RHBDL3: variants seen among roughly 807,000 people sequenced by gnomAD.
RHBDL3 encodes rhomboid-related protein 3.
A neutral mutation model predicts 48.2 loss-of-function variants in RHBDL3; 28 were observed. That is an observed-to-expected ratio of 0.58 (90% confidence interval 0.43 to 0.80). The LOEUF (loss-of-function observed/expected upper bound fraction) is 0.80. Ranked by LOEUF, RHBDL3 falls within the 30% of genes least tolerant of loss-of-function variation. The pLI, the probability that RHBDL3 is intolerant of heterozygous loss-of-function variation, is 0.00. For synonymous variants in RHBDL3, 208 were observed against 232.3 expected, an observed-to-expected ratio of 0.90 and a Z score of 0.95; for missense variants, 464 against 542.7, an observed-to-expected ratio of 0.85 and a Z score of 1.44.
At chr17:32,303,874 A>G (rs1447190633) in intron 6 of RHBDL3, among the ~76,000 whole-genome samples, 1 of 152,042 alleles carries the variant, frequency 6.6e-6, no homozygotes, top group Non-Finnish European at 1.5e-5. Context: ...CACCCTATAC[A>G]GCCTGCAGAA....
At position 32,284,717 on chromosome 17, in the gene RHBDL3, G is replaced by T. The variant is rs1281397566; in HGVS notation, c.194G>T (p.Ser65Ile). The T allele has an allele frequency of 6.2e-7, 1 of 1,614,126 alleles. No individual in the cohort carries two copies. The change falls in exon 3 of 9, where the codon AGC becomes ATC. Residue 65 changes from serine to isoleucine, a missense_variant. By Grantham distance (142) the Ser-to-Ile change is moderately radical. Transcript: ENST00000269051. ...GGCAAGTTCCGGAGTCTTCTGGAGAGCCACAGCTCCAAGCTGGACCCGCAC... is the reference window on the plus strand; with the variant it reads ...GGCAAGTTCCGGAGTCTTCTGGAGATCCACAGCTCCAAGCTGGACCCGCAC... ...STGKFRSLLE[S>I]HSSKLDPHKR...
chr17:32,310,236 A>G (rs1224600577), intron 7 of RHBDL3, among the ~76,000 whole-genome samples: 1 of 152,164 alleles, frequency 6.6e-6, no homozygotes, highest in Non-Finnish European at 1.5e-5. Context: ...CACATTGTCA[A>G]AGCACAAGGG....
At chr17:32,266,871 C>T (rs953846168) in intron 1 of RHBDL3, among the ~76,000 whole-genome samples, 4 of 151,700 alleles carry the variant, frequency 2.6e-5, no homozygotes, top group Admixed American at 6.6e-5. Flanking sequence ...GGCTTTGCTC[C>T]TAGAAGGAGG....
intron 7 of RHBDL3, among the ~76,000 whole-genome samples, chr17:32,314,877 G>A (rs899716063): frequency 2.0e-5 from 3 of 152,218 alleles, no homozygotes; most frequent in Non-Finnish European, 2.9e-5. Context: ...AGATGACACC[G>A]ATATCCTGCC....
At chr17:32,281,573 G>A (rs756122787) in intron 2 of RHBDL3, among the ~76,000 whole-genome samples, 85 of 152,256 alleles carry the variant, frequency 5.6e-4, no homozygotes, top group Middle Eastern at 6.8e-3. Flanking sequence ...CAGAACAGGA[G>A]GGCCAGGCTA....
At position 32,267,893 on chromosome 17, in the gene RHBDL3, C is replaced by T. The variant is rs369892604; in HGVS notation, c.112-9C>T. The T allele has an allele frequency of 1.4e-4, 230 of 1,613,826 alleles. 2 individuals are homozygous for T. Among genetic ancestry groups the T allele is most frequent in the Middle Eastern group, 9.9e-4 (6 of 6,084 alleles). On this transcript the variant is annotated splice_polypyrimidine_tract_variant and intron_variant, in intron 1 of 8. Coordinates refer to ENST00000269051, the MANE Select transcript of RHBDL3 (RefSeq NM_138328.3). ...TCTTCCTCTCCTGCATGGCCTCCCT[C>T]TCTGCCAGCACTGGAAAGTCCTGTT...
At chr17:32,273,493 A>G (rs2039823866) in intron 2 of RHBDL3, among the ~76,000 whole-genome samples, 1 of 152,210 alleles carries the variant, frequency 6.6e-6, no homozygotes, top group African/African-American at 2.4e-5. Context: ...ATCTAGGTCA[A>G]GTCTCAGTTC....
chr17:32,269,805 A>C (rs971820585), intron 2 of RHBDL3, among the ~76,000 whole-genome samples: 1 of 152,140 alleles, frequency 6.6e-6, no homozygotes, highest in African/African-American at 2.4e-5. Context: ...TTCCTTTGCC[A>C]GTCCCTGTGT....
chr17:32,271,825 C>T (rs926876055), intron 2 of RHBDL3, among the ~76,000 whole-genome samples: 13 of 152,180 alleles, frequency 8.5e-5, no homozygotes, highest in African/African-American at 2.4e-4. Flanking sequence ...AAAGAGATCC[C>T]CAATTTTGCT....
rs143827906 is a variant in RHBDL3, at chr17:32,302,764, G to A, written c.782-2577G>A. ...AGGTTCCAGAATCGGGACCCGAGCC[G>A]CGGCCCCTGGATCTTAGGCCAAGAC... On this transcript the variant is annotated intron_variant, in intron 6 of 8. Transcript: ENST00000269051. 7.3e-3 allele frequency among the ~76,000 whole-genome samples: 1,111 copies of A among 152,120 alleles called. 8 individuals are homozygous for A. Among genetic ancestry groups the A allele is most frequent in the African/African-American group, 0.025 (1,037 of 41,496 alleles).
chr17:32,303,166 C>T (rs995565398), intron 6 of RHBDL3, among the ~76,000 whole-genome samples: 2 of 152,308 alleles, frequency 1.3e-5, no homozygotes, highest in Middle Eastern at 3.4e-3. Context: ...GCTTGACCCT[C>T]GCAGGGGCCC....
chr17:32,318,853 G>A (rs1441278809), intron 8 of RHBDL3, among the ~76,000 whole-genome samples: 2 of 152,090 alleles, frequency 1.3e-5, no homozygotes, highest in East Asian at 1.9e-4. Context: ...TTCAATTCAC[G>A]TCCACCTTCC....
At chr17:32,293,461 A>G (rs1219325135) in intron 4 of RHBDL3, among the ~76,000 whole-genome samples, 1 of 152,014 alleles carries the variant, frequency 6.6e-6, no homozygotes, top group East Asian at 1.9e-4. Context: ...GCACTCCTGT[A>G]ATCCCAGATA....
intron 8 of RHBDL3, among the ~76,000 whole-genome samples, chr17:32,317,214 A>G (rs1481447152): frequency 2.6e-5 from 4 of 152,096 alleles, no homozygotes; most frequent in Non-Finnish European, 5.9e-5. Flanking sequence ...ATAATATGCA[A>G]ACAGAAAAGT....
chr17:32,320,644 G>A (rs2041104552), intron 8 of RHBDL3, among the ~76,000 whole-genome samples: 1 of 152,220 alleles, frequency 6.6e-6, no homozygotes, highest in Non-Finnish European at 1.5e-5. Context: ...TCTTTAGAGA[G>A]GTCTTGCGTG....
chr17:32,274,892 G>A (rs1190547174), intron 2 of RHBDL3, among the ~76,000 whole-genome samples: 7 of 152,188 alleles, frequency 4.6e-5, no homozygotes, highest in Middle Eastern at 3.4e-3. Context: ...GTGTGTGCAC[G>A]CATGCATGTG....
At chr17:32,271,297 T>C (rs1209106264) in intron 2 of RHBDL3, among the ~76,000 whole-genome samples, 1 of 152,250 alleles carries the variant, frequency 6.6e-6, no homozygotes, top group African/African-American at 2.4e-5. Flanking sequence ...TATTATATTG[T>C]TTGAGAAATG....
intron 7 of RHBDL3, among the ~76,000 whole-genome samples, chr17:32,315,120 C>T (rs2040939966): frequency 6.6e-6 from 1 of 152,216 alleles, no homozygotes; most frequent in South Asian, 2.1e-4. Flanking sequence ...ATGTTAGTGT[C>T]CATGCCAGTG....
chr17:32,290,520 A>G, intron 4 of RHBDL3, among the ~76,000 whole-genome samples: 1 of 152,216 alleles, frequency 6.6e-6, no homozygotes, highest in East Asian at 1.9e-4. Context: ...ACAATGCCCA[A>G]GGCTTTTGTC....
Sources: gnomAD v4.1 joint callset for allele counts (sites outside exome capture counted in the v4.1 genomes callset) on GRCh38, gnomAD v4.1.1 for gene constraint, MANE v1.5 for transcripts, NCBI Gene and HGNC (gene_info 2026-07-23, HGNC 2026-07-21) for gene names.